The following VAV3 variants were observed in gnomAD, a reference collection of about 807,000 sequenced individuals.
VAV3 encodes guanine nucleotide exchange factor VAV3.
VAV3 carries 94 observed loss-of-function variants against 131.2 expected under a neutral mutation model. The observed-to-expected ratio is 0.72, with a 90% confidence interval of 0.61 to 0.85. VAV3 has a LOEUF of 0.85. Ranked by LOEUF, VAV3 falls within the 40% of genes least tolerant of loss-of-function variation. The pLI, the probability that VAV3 is intolerant of heterozygous loss-of-function variation, is 0.00. For synonymous variants in VAV3, 349 were observed against 342.0 expected (o/e 1.02, Z -0.22); for missense variants, 939 against 1,002.7 (o/e 0.94, Z 0.86).
At chr1:107,672,368 G>A (rs1481709637) in intron 19 of VAV3, 2 of 149,308 alleles carry the variant, frequency 1.3e-5, no homozygotes, top group Non-Finnish European at 3.0e-5. Context: ...ATTAGTCACA[G>A]AATTAAAATC....
chr1:107,848,884 T>C (rs1321711533), intron 2 of VAV3, among the ~76,000 whole-genome samples: 1 of 152,094 alleles, frequency 6.6e-6, no homozygotes, highest in East Asian at 1.9e-4. Flanking sequence ...AGTCTCAGGA[T>C]ACAAAATCAA....
Position 107,757,321 on chromosome 1 carries a change from G to A in VAV3, c.1026C>T (p.Val342=), listed in dbSNP as rs1664167267. 3 of 1,612,130 alleles carry A rather than the reference G, an allele frequency of 1.9e-6. No homozygotes were observed. Reference sequence around the variant, plus strand: ...TCTCAGTCGGATCAGTGGTATGTTTGACCAGTTCCTATTTGGAAGATATGG... The same window carrying A: ...TCTCAGTCGGATCAGTGGTATGTTTAACCAGTTCCTATTTGGAAGATATGG... The part of the protein sequence containing the change: ...LKYHLLLQEL[V]KHTTDPTEKA... The change falls in exon 11 of 27, where the codon GTC becomes GTT. Residue 342 remains valine (V), a synonymous_variant. Transcript: ENST00000370056.
At position 107,813,061 on chromosome 1, in the gene VAV3, G is replaced by T. The variant is rs187797383; in HGVS notation, c.322-33569C>A. On this transcript the variant is annotated intron_variant, in intron 2 of 26. Coordinates refer to ENST00000370056, the MANE Select transcript of VAV3 (RefSeq NM_006113.5). ...TGGCATGAACCCAGGAGGCAGAGCT[G>T]GCAGTGAGCCGAGATTGCGTGCACT... Among the ~76,000 whole-genome samples, 281 of 151,286 alleles carry T rather than the reference G, an allele frequency of 1.9e-3. 2 individuals carry two copies. Among genetic ancestry groups the T allele is most frequent in the Non-Finnish European group, 2.3e-3 (159 of 67,880 alleles).
At chr1:107,656,427 ATAGAG>A (rs1182096540) in intron 19 of VAV3, among the ~76,000 whole-genome samples, 2 of 152,156 alleles carry the variant, frequency 1.3e-5, no homozygotes, top group African/African-American at 4.8e-5. Context: ...ATTCATGAAG[ATAGAG>A]TATATTCATG....
intron 2 of VAV3, among the ~76,000 whole-genome samples, chr1:107,836,286 G>T (rs756583216): frequency 3.9e-5 from 6 of 152,082 alleles, no homozygotes; most frequent in Non-Finnish European, 7.4e-5. Flanking sequence ...TAGCCATAAA[G>T]CAAGTCTCAA....
intron 21 of VAV3, among the ~76,000 whole-genome samples, chr1:107,613,884 T>C (rs1338470821): frequency 6.6e-6 from 1 of 152,032 alleles, no homozygotes; most frequent in Non-Finnish European, 1.5e-5. Context: ...TGAGACGGAG[T>C]CTCGCTCTGT....
chr1:107,572,472 G>T lies in VAV3; in HGVS notation c.*859C>A, dbSNP rs923772107. 6.6e-6 allele frequency: 1 copy of T among 152,592 alleles called. No homozygotes were observed. The highest frequency in any genetic ancestry group is 1.5e-5 in the Non-Finnish European group (1 of 68,042). 9.5% of individuals were successfully genotyped at this position (152,592 alleles called of 1,614,324 possible). A position where few individuals can be genotyped will look rare whatever the true frequency, so the allele number is the denominator to read the frequency against. On this transcript the variant is annotated 3_prime_UTR_variant, in exon 27 of 27. Coordinates refer to ENST00000370056, the MANE Select transcript of VAV3 (RefSeq NM_006113.5). ...TAAAATGACATAAATTATAGCCCTT[G>T]ATCTGTTTCTGTAAACAATGCCAGC...
chr1:107,868,691 T>A (rs978726922), intron 2 of VAV3, among the ~76,000 whole-genome samples: 1 of 152,198 alleles, frequency 6.6e-6, no homozygotes, highest in Non-Finnish European at 1.5e-5. Flanking sequence ...TCCTCTTGCA[T>A]ATACGATAGG....
At chr1:107,757,524 C>T (rs1664179522) in intron 10 of VAV3, among the ~76,000 whole-genome samples, 195 bp from the exon 11 acceptor site, 1 of 152,092 alleles carries the variant, frequency 6.6e-6, no homozygotes, top group Admixed American at 6.6e-5. Flanking sequence ...AATCATGAGA[C>T]ACAATATGAG....
chr1:107,599,040 C>G (rs986454334), intron 24 of VAV3, among the ~76,000 whole-genome samples: 2 of 151,990 alleles, frequency 1.3e-5, no homozygotes, highest in Non-Finnish European at 2.9e-5. Flanking sequence ...GGCTAGAAAC[C>G]ATAGAATTAT....
intron 2 of VAV3, among the ~76,000 whole-genome samples, chr1:107,841,901 AT>A (rs1204828735): frequency 6.6e-6 from 1 of 152,212 alleles, no homozygotes; most frequent in Non-Finnish European, 1.5e-5. Flanking sequence ...GTTGGGTTAA[AT>A]AAAATGTATT....
At chr1:107,731,097 A>G (rs757312629) in intron 15 of VAV3, among the ~76,000 whole-genome samples, 1 of 152,220 alleles carries the variant, frequency 6.6e-6, no homozygotes, top group Non-Finnish European at 1.5e-5. Context: ...AATTATCACT[A>G]CATGTCCCAG....
At chr1:107,933,988 G>A (rs1289290735) in intron 1 of VAV3, among the ~76,000 whole-genome samples, 1 of 152,124 alleles carries the variant, frequency 6.6e-6, no homozygotes, top group African/African-American at 2.4e-5. Context: ...ACCAAAAGAT[G>A]AAAGCACTAC....
chr1:107,843,260 T>C (rs1242039496), intron 2 of VAV3, among the ~76,000 whole-genome samples: 1 of 151,848 alleles, frequency 6.6e-6, no homozygotes, highest in Non-Finnish European at 1.5e-5. Context: ...TATAAACCTT[T>C]GGTGCTTCAG....
In VAV3 at chr1:107,651,636, A is replaced by C. The variant is rs140315495; in HGVS notation, c.1778-8881T>G. 6.6e-5 allele frequency among the ~76,000 whole-genome samples: 10 copies of C among 151,998 alleles called. No homozygotes were observed. The East Asian group carries it at 1.8e-3, about 27-fold the overall frequency. On this transcript the variant is annotated intron_variant, in intron 19 of 26. Transcript: ENST00000370056. ...CACACATGCACATATACTTGATTAT[A>C]TCTCTAAAATTTCTCTCTAATCAAA...
intron 8 of VAV3, among the ~76,000 whole-genome samples, chr1:107,765,465 G>A (rs1337532730): frequency 6.6e-6 from 1 of 152,100 alleles, no homozygotes; most frequent in East Asian, 1.9e-4. Flanking sequence ...TATTTGAGTA[G>A]ACATAAATGC....
At chr1:107,751,712 C>A (rs1663740159) in intron 12 of VAV3, among the ~76,000 whole-genome samples, 1 of 152,120 alleles carries the variant, frequency 6.6e-6, no homozygotes, top group South Asian at 2.1e-4. Flanking sequence ...AAAGTCCAGG[C>A]TGGCTTTCTT....
intron 19 of VAV3, among the ~76,000 whole-genome samples, chr1:107,681,061 A>G (rs946186334): frequency 1.3e-5 from 2 of 152,272 alleles, no homozygotes; most frequent in Admixed American, 6.5e-5. Context: ...TCCAGTGCAA[A>G]AGGGCTATAG....
chr1:107,589,075 G>A (rs1176892216), intron 25 of VAV3, among the ~76,000 whole-genome samples: 2 of 152,050 alleles, frequency 1.3e-5, no homozygotes, highest in African/African-American at 4.8e-5. Context: ...CTGTAATAAT[G>A]TAAAGTCCTC....
Sources: gnomAD v4.1 joint callset for allele counts (sites outside exome capture counted in the v4.1 genomes callset) on GRCh38, gnomAD v4.1.1 for gene constraint, MANE v1.5 for transcripts, NCBI Gene and HGNC (gene_info 2026-07-23, HGNC 2026-07-21) for gene names.